The following AGO3 variants were observed in gnomAD, a reference collection of about 807,000 sequenced individuals.
AGO3 encodes protein argonaute-3.
In AGO3, 16 loss-of-function variants were observed where a neutral mutation model predicts 105.5. That is an observed-to-expected ratio of 0.15 (90% CI 0.10 to 0.23). The LOEUF is 0.23. AGO3 is among the 10% of genes least tolerant of loss of function. The pLI, the probability that AGO3 is intolerant of heterozygous loss-of-function variation, is 1.00. For missense variants in AGO3, 534 were observed against 1,088.0 expected, an observed-to-expected ratio of 0.49 and a Z score of 7.16; for synonymous variants, 340 against 367.3, an observed-to-expected ratio of 0.93 and a Z score of 0.85.
chr1:35,945,164 T>C (rs1442180960), intron 1 of AGO3, among the ~76,000 whole-genome samples: 1 of 152,142 alleles, frequency 6.6e-6, no homozygotes, highest in Non-Finnish European at 1.5e-5. Context: ...ACTTTCTTGA[T>C]TCTTTTTTAT....
intron 12 of AGO3, among the ~76,000 whole-genome samples, chr1:36,031,072 A>G (rs1193171405): frequency 6.6e-6 from 1 of 152,204 alleles, no homozygotes; most frequent in East Asian, 1.9e-4. Context: ...ACTATTTTGA[A>G]CAAATAATCA....
At chr1:36,012,775 C>T (rs765935045) in intron 9 of AGO3, among the ~76,000 whole-genome samples, 21 of 151,970 alleles carry the variant, frequency 1.4e-4, no homozygotes, top group Non-Finnish European at 2.5e-4. Context: ...ACAAAATTAA[C>T]ATTTTCAGCT....
intron 11 of AGO3, among the ~76,000 whole-genome samples, chr1:36,024,503 TTTTCATTATCTA>T (rs1641403534): frequency 6.6e-6 from 1 of 152,126 alleles, no homozygotes; most frequent in African/African-American, 2.4e-5. Context: ...CTTCTTTTCC[TTTTCATTATCTA>T]TCTGCTCTCC....
chr1:36,035,576 GT>G (rs1286581928), intron 13 of AGO3, among the ~76,000 whole-genome samples: 1 of 152,056 alleles, frequency 6.6e-6, no homozygotes. Flanking sequence ...GATTACATAG[GT>G]TTAAAATATA....
At chr1:35,982,905 A>T (rs564040738) in intron 5 of AGO3, 3 of 392,294 alleles carry the variant, frequency 7.6e-6, no homozygotes, top group African/African-American at 6.2e-5. Flanking sequence ...CAAGCCTGGC[A>T]TATCAGTCAA....
In AGO3 at chr1:35,938,082, G is replaced by A. The variant is rs1361069740; in HGVS notation, c.19+6637G>A. The stretch of plus-strand genomic sequence containing the variant: ...TGCAACCTCCGCCTCCTGGGCTCAA[G>A]CAATTATCCTGCCTCAGTCTCCCTA... On this transcript the variant is annotated intron_variant, in intron 1 of 18. Transcript: ENST00000373191. Among the ~76,000 whole-genome samples, 33 of 150,442 alleles carry A rather than the reference G, an allele frequency of 2.2e-4. No homozygotes were observed. The Admixed American group carries it at 2.2e-3, about 10-fold the overall frequency.
chr1:35,995,685 T>G (rs1648264226), intron 5 of AGO3, among the ~76,000 whole-genome samples: 1 of 152,100 alleles, frequency 6.6e-6, no homozygotes, highest in Non-Finnish European at 1.5e-5. Flanking sequence ...GGCAAAGATT[T>G]TTTTCTTCTT....
chr1:35,990,740 T>G (rs982282409), intron 5 of AGO3, among the ~76,000 whole-genome samples: 9 of 152,156 alleles, frequency 5.9e-5, no homozygotes, highest in Non-Finnish European at 7.4e-5. Context: ...AGTAAATAAT[T>G]TATTAATCAC....
chr1:36,036,849 C>T (rs539333466), intron 14 of AGO3, among the ~76,000 whole-genome samples: 2 of 152,242 alleles, frequency 1.3e-5, no homozygotes, highest in African/African-American at 4.8e-5. Context: ...CACCTGCCAC[C>T]ATGCCCGGCT....
At chr1:36,049,292 G>A (rs1008902759) in intron 17 of AGO3, among the ~76,000 whole-genome samples, 10 of 152,068 alleles carry the variant, frequency 6.6e-5, no homozygotes, top group Admixed American at 2.0e-4. Context: ...GGCCAAGGCC[G>A]GTGAATCACA....
At chr1:35,983,845 G>A (rs1351763086) in intron 5 of AGO3, among the ~76,000 whole-genome samples, 1 of 152,138 alleles carries the variant, frequency 6.6e-6, no homozygotes, top group African/African-American at 2.4e-5. Context: ...ATGTATCAAT[G>A]TTAACATGTC....
chr1:35,937,814 A>G (rs1646178591), intron 1 of AGO3, among the ~76,000 whole-genome samples: 1 of 152,184 alleles, frequency 6.6e-6, no homozygotes, highest in Admixed American at 6.5e-5. Flanking sequence ...GTTTGGACAG[A>G]TTCATTGAAT....
At chr1:35,962,555 AAAGAG>A (rs1450875798) in intron 2 of AGO3, among the ~76,000 whole-genome samples, 1 of 151,980 alleles carries the variant, frequency 6.6e-6, no homozygotes, top group Non-Finnish European at 1.5e-5. Flanking sequence ...AAAAAAAAAA[AAAGAG>A]AAAGAAAGAA....
At chr1:35,956,952 AG>A (rs1333000427) in intron 2 of AGO3, among the ~76,000 whole-genome samples, 1 of 151,978 alleles carries the variant, frequency 6.6e-6, no homozygotes, top group East Asian at 1.9e-4. Context: ...CCTGGCCTTA[AG>A]GATCATGATT....
At chr1:36,050,681 A>G (rs1642676870) in intron 17 of AGO3, among the ~76,000 whole-genome samples, 1 of 150,110 alleles carries the variant, frequency 6.7e-6, no homozygotes, top group South Asian at 2.1e-4. Context: ...AATCCCAGCT[A>G]CTCAAGAGGC....
chr1:36,007,173 C>CT (rs1445483016), intron 6 of AGO3, among the ~76,000 whole-genome samples: 1 of 152,176 alleles, frequency 6.6e-6, no homozygotes, highest in African/African-American at 2.4e-5. Flanking sequence ...CTAAGAACCA[C>CT]TGCAGTATAG....
At chr1:35,942,744 A>G (rs1313429677) in intron 1 of AGO3, among the ~76,000 whole-genome samples, 4 of 152,216 alleles carry the variant, frequency 2.6e-5, no homozygotes, top group East Asian at 1.9e-4. Context: ...AAAATATACA[A>G]CCATTAAATT....
chr1:36,004,903 G>A (rs765256875), intron 6 of AGO3, among the ~76,000 whole-genome samples: 11 of 151,900 alleles, frequency 7.2e-5, no homozygotes, highest in Admixed American at 2.0e-4. Context: ...CTTTAAAAAC[G>A]TATAAATGTG....
At chr1:35,976,625 T>C (rs919282936) in intron 5 of AGO3, among the ~76,000 whole-genome samples, 3 of 152,226 alleles carry the variant, frequency 2.0e-5, no homozygotes, top group Non-Finnish European at 4.4e-5. Context: ...CTGTTTCTTA[T>C]TAAGTACGTT....
Sources: gnomAD v4.1 joint callset for allele counts (sites outside exome capture counted in the v4.1 genomes callset) on GRCh38, gnomAD v4.1.1 for gene constraint, MANE v1.5 for transcripts, NCBI Gene and HGNC (gene_info 2026-07-23, HGNC 2026-07-21) for gene names.